CXCR5: variants seen among roughly 807,000 people sequenced by gnomAD.
CXCR5 encodes the protein C-X-C chemokine receptor type 5.
Under a neutral mutation model 5.6 loss-of-function variants are expected in CXCR5, and 3 were observed. That is an observed-to-expected ratio of 0.54 (90% CI 0.24 to 1.39). CXCR5 has a LOEUF of 1.39. Among genes scored for constraint, CXCR5 ranks in the 40% most tolerant of loss-of-function variants. CXCR5 has a pLI of 0.16. For missense variants in CXCR5, 333 were observed against 494.6 expected, an observed-to-expected ratio of 0.67 and a Z score of 3.10; for synonymous variants, 218 against 219.9, an observed-to-expected ratio of 0.99 and a Z score of 0.08.
Position 118,894,309 on chromosome 11 carries a change from G to A in CXCR5, c.765G>A (p.Gln255=), listed in dbSNP as rs1939864378. ...LRQAQRRPQR[Q]KAVRVAILVT... is the part of the protein sequence containing the mutation. Reference sequence around the variant, plus strand: ...AGGCCCAGCGGCGCCCTCAGCGGCAGAAGGCAGTCAGGGTGGCCATCCTGG... The same window carrying A: ...AGGCCCAGCGGCGCCCTCAGCGGCAAAAGGCAGTCAGGGTGGCCATCCTGG... The change falls in exon 2 of 2, where the codon CAG becomes CAA. Residue 255 remains glutamine, a synonymous_variant. Coordinates refer to ENST00000292174, the MANE Select transcript of CXCR5 (RefSeq NM_001716.5). The surrounding 1 kb of genome is among the most constrained non-coding windows in gnomAD (Gnocchi z 6.1). 1 of 1,614,158 alleles carries A rather than the reference G, an allele frequency of 6.2e-7. No homozygotes were observed. Among genetic ancestry groups the A allele is most frequent in the Non-Finnish European group, 8.5e-7 (1 of 1,180,046 alleles).
intron 1 of CXCR5, chr11:118,886,430 G>C (rs1281390634): frequency 2.4e-6 from 1 of 425,524 alleles, no homozygotes; most frequent in Non-Finnish European, 4.6e-6. Flanking sequence ...TCTTGAACTC[G>C]AAGACCAACT....
At position 118,896,848 on chromosome 11, in the gene CXCR5, A is replaced by G. The variant is rs1939940872; in HGVS notation, c.*2185A>G. ...GCCTCAGCCAGGGAACTGCCCTGCC[A>G]CCTCCCGAGGCAGGAAAGGAAGTGA... On this transcript the variant is annotated 3_prime_UTR_variant, in exon 2 of 2. Transcript: ENST00000292174. 1 of 152,664 alleles carries G rather than the reference A, an allele frequency of 6.6e-6. No homozygotes were observed. The highest frequency in any genetic ancestry group is 1.5e-5 in the Non-Finnish European group (1 of 68,088). 9.5% of individuals were successfully genotyped at this position (152,664 alleles called of 1,614,324 possible).
At chr11:118,890,450 G>C (rs57231586) in intron 1 of CXCR5, among the ~76,000 whole-genome samples, 1 of 152,018 alleles carries the variant, frequency 6.6e-6, no homozygotes, top group Non-Finnish European at 1.5e-5. Flanking sequence ...TTCCAAGAGG[G>C]GAGCCGGGAA....
chr11:118,892,916 C>T (rs989647076), intron 1 of CXCR5, among the ~76,000 whole-genome samples: 8 of 152,122 alleles, frequency 5.3e-5, no homozygotes, highest in Non-Finnish European at 1.0e-4. Flanking sequence ...TAGAAGGAAG[C>T]CCAGGCAGGG....
Position 118,893,899 on chromosome 11 carries a change from AC to A in CXCR5, c.357del (p.Phe120SerfsTer6), listed in dbSNP as rs1939853574. 1.2e-6 allele frequency: 2 copies of A among 1,613,632 alleles called. No homozygotes were observed. Among genetic ancestry groups the A allele is most frequent in the Non-Finnish European group, 1.7e-6 (2 of 1,179,978 alleles). On this transcript the variant is annotated frameshift_variant, in exon 2 of 2. Coordinates refer to ENST00000292174, the MANE Select transcript of CXCR5 (RefSeq NM_001716.5). LOFTEE classifies it low-confidence loss of function (END_TRUNC). The surrounding 1 kb of genome is among the most constrained non-coding windows in gnomAD (Gnocchi z 5.7). ...AEGSVGWVLG[T>X]FLCKTVIALH... ...GGGCTCTGTGGGCTGGGTCCTGGGGACCTTCCTCTGCAAAACTGTGATTGCC... is the reference window on the plus strand; with the variant it reads ...GGGCTCTGTGGGCTGGGTCCTGGGGACTTCCTCTGCAAAACTGTGATTGCC...
In CXCR5 at chr11:118,894,879, G is replaced by A. The variant is rs948310822; in HGVS notation, c.*216G>A. On this transcript the variant is annotated 3_prime_UTR_variant, in exon 2 of 2. Coordinates refer to ENST00000292174, the MANE Select transcript of CXCR5 (RefSeq NM_001716.5). The surrounding 1 kb of genome is among the most constrained non-coding windows in gnomAD (Gnocchi z 6.1). ...GGGGCTAGGCTGGAGCCCAGGGAGC[G>A]GAAAGCAGCTCAAAGGCACAGTGAA... 2.1e-5 allele frequency: 10 copies of A among 476,914 alleles called. No homozygotes were observed. Among genetic ancestry groups the A allele is most frequent in the African/African-American group, 1.2e-4 (6 of 50,730 alleles). The allele number at this position is 476,914 out of a possible 1,614,324, so 29.5% of individuals were successfully genotyped here. A position where few individuals can be genotyped will look rare whatever the true frequency, so the allele number is the denominator to read the frequency against.
In CXCR5 at chr11:118,894,714, C is replaced by G; in HGVS notation, c.*51C>G. On this transcript the variant is annotated 3_prime_UTR_variant, in exon 2 of 2. Transcript: ENST00000292174. This position sits in a 1 kb window ranked among gnomAD's most constrained non-coding sequence, Gnocchi z 6.1. ...CTTTTCCTTGGGGCAGGCAGTGATGCTGGATGCTCCTTCCAACAGGAGCTG... is the reference window on the plus strand; with the variant it reads ...CTTTTCCTTGGGGCAGGCAGTGATGGTGGATGCTCCTTCCAACAGGAGCTG... 6.8e-7 allele frequency: 1 copy of G among 1,478,574 alleles called. No individual in the cohort carries two copies. The highest frequency in any genetic ancestry group is 1.5e-5 in the South Asian group (1 of 68,954). 91.6% of individuals were successfully genotyped at this position (1,478,574 alleles called of 1,614,324 possible). A position where few individuals can be genotyped will look rare whatever the true frequency, so the allele number is the denominator to read the frequency against.
intron 1 of CXCR5, among the ~76,000 whole-genome samples, chr11:118,892,042 G>T (rs1236645363): frequency 6.6e-6 from 1 of 152,152 alleles, no homozygotes; most frequent in Non-Finnish European, 1.5e-5. Flanking sequence ...GCAGGAGGTG[G>T]ACAGGAGTAG....
rs924771258 is a variant in CXCR5 at position 118,883,958 on chromosome 11, C to T, written c.17C>T (p.Thr6Met). The T allele has an allele frequency of 1.2e-5, 20 of 1,612,574 alleles. No homozygotes were observed. The East Asian group carries it at 2.5e-4, about 20-fold the overall frequency. The change falls in exon 1 of 2, where the codon ACG becomes ATG. Residue 6 changes from threonine to methionine, a missense_variant. Physicochemically the swap from Thr to Met is moderately conservative, Grantham distance 81. Coordinates refer to ENST00000292174, the MANE Select transcript of CXCR5 (RefSeq NM_001716.5). ...GGCACAGCCATGAACTACCCGCTAA[C>T]GCTGGAAATGGACCTCGAGAACCTG... Reference protein sequence around the residue: MNYPLTLEMDLENLED... With the variant: MNYPLMLEMDLENLED...
At position 118,894,411 on chromosome 11, in the gene CXCR5, C is replaced by T. The variant is rs556054471; in HGVS notation, c.867C>T (p.Ala289=). The T allele has an allele frequency of 4.3e-6, 7 of 1,614,220 alleles. No homozygotes were observed. The highest frequency in any genetic ancestry group is 2.7e-5 in the African/African-American group (2 of 75,058). Residue 289 remains alanine, a synonymous_variant, in exon 2 of 2, where the codon GCC becomes GCT. Coordinates refer to ENST00000292174, the MANE Select transcript of CXCR5 (RefSeq NM_001716.5). The surrounding 1 kb of genome is among the most constrained non-coding windows in gnomAD (Gnocchi z 6.1). ...IFLDTLARLK[A]VDNTCKLNGS... is the part of the protein sequence containing the mutation. ...TGGACACCCTGGCGAGGCTGAAGGC[C>T]GTGGACAATACCTGCAAGCTGAATG... is the stretch of plus-strand genomic sequence containing the variant.
intron 1 of CXCR5, chr11:118,886,268 T>G (rs1386852188): frequency 2.3e-6 from 1 of 431,808 alleles, no homozygotes; most frequent in South Asian, 1.7e-5. Flanking sequence ...CAGGTATTGG[T>G]TCACATTCCT....
intron 1 of CXCR5, among the ~76,000 whole-genome samples, chr11:118,892,112 A>G (rs952682668): frequency 6.6e-6 from 1 of 152,018 alleles, no homozygotes; most frequent in Non-Finnish European, 1.5e-5. Context: ...GAGTAAAGAG[A>G]AGGAAGACCA....
chr11:118,887,449 A>T (rs906770238), intron 1 of CXCR5: 2 of 985,348 alleles, frequency 2.0e-6, no homozygotes, highest in Non-Finnish European at 2.4e-6. Context: ...AAGCCTAAAG[A>T]CTTGCTGCAG....
In CXCR5 at chr11:118,897,187, C is replaced by G. The variant is rs1437231094; in HGVS notation, c.*2524C>G. ...ACTGACTCAGATGAACTGTTCTCCC[C>G]CTTCTTTGATAAGAAGTAGGTGGCA... is the stretch of plus-strand genomic sequence containing the variant. On this transcript the variant is annotated 3_prime_UTR_variant, in exon 2 of 2. Transcript: ENST00000292174. 1.3e-5 allele frequency: 2 copies of G among 154,956 alleles called. No homozygotes were observed. The highest frequency in any genetic ancestry group is 1.3e-4 in the Admixed American group (2 of 15,720). The allele number at this position is 154,956 out of a possible 1,614,324, so 9.6% of individuals were successfully genotyped here. A position where few individuals can be genotyped will look rare whatever the true frequency, so the allele number is the denominator to read the frequency against.
chr11:118,894,042 C>T lies in CXCR5; in HGVS notation c.498C>T (p.Ile166=), dbSNP rs149086316. The T allele has an allele frequency of 1.8e-4, 288 of 1,613,906 alleles. No homozygotes were observed. The highest frequency in any genetic ancestry group is 2.3e-4 in the Non-Finnish European group (272 of 1,180,040). The change falls in exon 2 of 2, where the codon ATC becomes ATT. Residue 166 remains isoleucine, a synonymous_variant. Coordinates refer to ENST00000292174, the MANE Select transcript of CXCR5 (RefSeq NM_001716.5). The surrounding 1 kb of genome is among the most constrained non-coding windows in gnomAD (Gnocchi z 6.1). ...HAYRHRRLLS[I]HITCGTIWLV... ...ACCGCCACCGCCGCCTCCTCTCCAT[C>T]CACATCACCTGTGGGACCATCTGGC...
intron 1 of CXCR5, among the ~76,000 whole-genome samples, chr11:118,890,455 C>T (rs900580540): frequency 6.6e-6 from 1 of 151,926 alleles, no homozygotes; most frequent in African/African-American, 2.4e-5. Context: ...AGAGGGGAGC[C>T]GGGAAGGATG....
intron 1 of CXCR5, 54 bp downstream of exon 1, chr11:118,884,046 A>G: frequency 1.3e-6 from 2 of 1,564,530 alleles, no homozygotes; most frequent in Non-Finnish European, 1.7e-6. Context: ...GAATTCTAAC[A>G]TCCTTTGCCA....
At chr11:118,887,065 T>C in intron 1 of CXCR5, 1 of 179,976 alleles carries the variant, frequency 5.6e-6, no homozygotes, top group Non-Finnish European at 1.1e-5. Flanking sequence ...TGGGGTGTAG[T>C]TGGAAGGGTC....
In CXCR5 at chr11:118,893,718, C is replaced by T. The variant is rs1939848059; in HGVS notation, c.174C>T (p.Tyr58=). 1 of 1,614,236 alleles carries T rather than the reference C, an allele frequency of 6.2e-7. No homozygotes were observed. The highest frequency in any genetic ancestry group is 1.3e-5 in the African/African-American group (1 of 75,060). ...SFKAVFVPVA[Y]SLIFLLGVIG... is the part of the protein sequence containing the mutation. ...AGGCCGTGTTCGTGCCCGTGGCCTACAGCCTCATCTTCCTCCTGGGCGTGA... is the reference window on the plus strand; with the variant it reads ...AGGCCGTGTTCGTGCCCGTGGCCTATAGCCTCATCTTCCTCCTGGGCGTGA... The change falls in exon 2 of 2, where the codon TAC becomes TAT. Residue 58 remains tyrosine (Y), a synonymous_variant. Transcript: ENST00000292174. This position sits in a 1 kb window ranked among gnomAD's most constrained non-coding sequence, Gnocchi z 5.7.
Sources: allele counts gnomAD v4.1 joint callset (sites outside exome capture counted in the v4.1 genomes callset), GRCh38; gene constraint gnomAD v4.1.1; non-coding constraint Gnocchi (gnomAD v3.1); transcripts MANE v1.5; gene names NCBI Gene and HGNC (gene_info 2026-07-23, HGNC 2026-07-21).